BDNF: variants seen among roughly 807,000 people sequenced by gnomAD.
BDNF encodes brain derived neurotrophic factor, also known as neurotrophic factor BDNF precursor form.
A neutral mutation model predicts 19.5 loss-of-function variants in BDNF; 1 was observed. That is an observed-to-expected ratio of 0.05 (90% confidence interval 0.02 to 0.24). The LOEUF is 0.24. Ranked by LOEUF, BDNF falls within the 10% of genes least tolerant of loss-of-function variation. BDNF has a pLI of 1.00. For synonymous variants in BDNF, 100 were observed against 121.6 expected (o/e 0.82, Z 1.17); for missense variants, 195 against 317.6 (o/e 0.61, Z 2.93).
intron 1 of BDNF, among the ~76,000 whole-genome samples, chr11:27,672,529 A>G (rs1255883928): frequency 1.3e-5 from 2 of 152,200 alleles, no homozygotes; most frequent in Non-Finnish European, 2.9e-5. Flanking sequence ...CCTGAAACCA[A>G]CAGATCCAGC....
upstream of BDNF, chr11:27,700,752 G>C: frequency 8.4e-7 from 1 of 1,188,880 alleles, no homozygotes; most frequent in Admixed American, 3.6e-5. Flanking sequence ...GACGCCCGCG[G>C]CTTCGAGGGG....
intron 1 of BDNF, among the ~76,000 whole-genome samples, chr11:27,718,101 C>CA (rs1478078475): frequency 1.3e-5 from 2 of 152,124 alleles, no homozygotes; most frequent in African/African-American, 4.8e-5. Flanking sequence ...TATTAGGCAG[C>CA]AGCGAGTATT....
chr11:27,714,418 G>A (rs887385010), intron 1 of BDNF, among the ~76,000 whole-genome samples: 1 of 152,054 alleles, frequency 6.6e-6, no homozygotes, highest in African/African-American at 2.4e-5. Context: ...GAAATGACCT[G>A]AAAAATTATA....
chr11:27,701,044 A>G (rs375796607), upstream of BDNF: 17 of 1,356,428 alleles, frequency 1.3e-5, no homozygotes, highest in South Asian at 3.5e-5. Flanking sequence ...CATGGGGGCT[A>G]TTGGTTTACT....
rs1852566034 is a variant in BDNF, at chr11:27,656,541, C to T, written c.*1280G>A. 3.0e-6 allele frequency: 3 copies of T among 985,756 alleles called. No individual in the cohort carries two copies. In the South Asian group the frequency reaches 1.4e-4, roughly 46 times the overall value. The allele number at this position is 985,756 out of a possible 1,614,324, so 61.1% of individuals were successfully genotyped here. A position where few individuals can be genotyped will look rare whatever the true frequency, so the allele number is the denominator to read the frequency against. On this transcript the variant is annotated 3_prime_UTR_variant, in exon 2 of 2. Transcript: ENST00000356660. ...CACCTCCACCTAGACCTTGGGATGG[C>T]CACTCAGAAATTCCTCCCGCACTGC...
At chr11:27,710,976 T>C (rs1020038304) in intron 1 of BDNF, among the ~76,000 whole-genome samples, 3 of 152,208 alleles carry the variant, frequency 2.0e-5, no homozygotes, top group Non-Finnish European at 4.4e-5. Context: ...AGTGACTATA[T>C]ACTTATGTCT....
chr11:27,659,473 A>G, intron 1 of BDNF: 1 of 1,000,350 alleles, frequency 1.0e-6, no homozygotes, highest in African/African-American at 1.7e-5. Context: ...AGTCAGCATT[A>G]AAAAGACATT....
intron 1 of BDNF, among the ~76,000 whole-genome samples, chr11:27,681,935 A>T (rs1017719392): frequency 1.3e-5 from 2 of 152,160 alleles, no homozygotes; most frequent in African/African-American, 4.8e-5. Flanking sequence ...GCCTGGAGTC[A>T]AACTCGATCC....
intron 1 of BDNF, among the ~76,000 whole-genome samples, chr11:27,705,887 A>G (rs1342456923): frequency 6.6e-6 from 1 of 152,264 alleles, no homozygotes; most frequent in Admixed American, 6.5e-5. Flanking sequence ...AGGCAGATGC[A>G]TAAAATACAT....
chr11:27,680,445 G>A (rs1254710181), intron 1 of BDNF, among the ~76,000 whole-genome samples: 1 of 152,302 alleles, frequency 6.6e-6, no homozygotes, highest in African/African-American at 2.4e-5. Context: ...CAACATTAGC[G>A]AGCCTCTGGG....
chr11:27,712,927 CTTTT>C (rs112937534), intron 1 of BDNF, among the ~76,000 whole-genome samples: 38 of 117,270 alleles, frequency 3.2e-4, no homozygotes, highest in East Asian at 8.3e-4. Flanking sequence ...TTCTTTCTTT[CTTTT>C]TTTTTTTTTT....
At chr11:27,690,143 T>G (rs1042735971) in intron 1 of BDNF, among the ~76,000 whole-genome samples, 3 of 152,220 alleles carry the variant, frequency 2.0e-5, no homozygotes, top group African/African-American at 7.2e-5. Flanking sequence ...TGTATTAATA[T>G]TCAACCATTT....
intron 1 of BDNF, among the ~76,000 whole-genome samples, chr11:27,716,024 C>G (rs764572234): frequency 6.6e-6 from 1 of 152,014 alleles, no homozygotes; most frequent in Non-Finnish European, 1.5e-5. Flanking sequence ...ATGAATACTC[C>G]AAAAATTGCC....
At chr11:27,697,162 C>CAGAGAGAGAGAGAGAGAG (rs1271043342) in intron 1 of BDNF, among the ~76,000 whole-genome samples, 6 of 125,190 alleles carry the variant, frequency 4.8e-5, no homozygotes, top group East Asian at 4.7e-4. Flanking sequence ...CACACACACA[C>CAGAGAGAGAGAGAGAGAG]ACAGAGAGAG....
At chr11:27,691,514 C>T (rs962636081) in intron 1 of BDNF, among the ~76,000 whole-genome samples, 2 of 152,160 alleles carry the variant, frequency 1.3e-5, no homozygotes, top group African/African-American at 4.8e-5. Flanking sequence ...CGCAAGAACA[C>T]ATACAAACTA....
intron 1 of BDNF, chr11:27,699,345 A>T (rs369167803): frequency 6.2e-7 from 1 of 1,612,688 alleles, no homozygotes; most frequent in Non-Finnish European, 8.5e-7. Flanking sequence ...AGAGCCCCCA[A>T]TCCTCAGCTA....
At chr11:27,701,354 C>G (rs1859885453), upstream of BDNF, 1 of 1,081,090 alleles carries the variant, frequency 9.2e-7, no homozygotes, top group African/African-American at 1.6e-5. Context: ...GGAAAGACTT[C>G]GGCCCCAAAA....
intron 1 of BDNF, among the ~76,000 whole-genome samples, chr11:27,681,987 C>T (rs929291310): frequency 6.6e-6 from 1 of 152,120 alleles, no homozygotes; most frequent in East Asian, 1.9e-4. Context: ...TTGCTCTCAC[C>T]TGGAAGTTTC....
chr11:27,721,308 G>T, intron 1 of BDNF: 2 of 1,319,396 alleles, frequency 1.5e-6, no homozygotes, highest in South Asian at 2.3e-5. Flanking sequence ...CTGAGTAGCT[G>T]CTGTTCTTTG....
Sources: gnomAD v4.1 joint callset for allele counts (sites outside exome capture counted in the v4.1 genomes callset) on GRCh38, gnomAD v4.1.1 for gene constraint, MANE v1.5 for transcripts, NCBI Gene and HGNC (gene_info 2026-07-23, HGNC 2026-07-21) for gene names.